IL1RAPL2: variants seen among roughly 807,000 people sequenced by gnomAD.
IL1RAPL2 encodes the protein X-linked interleukin-1 receptor accessory protein-like 2.
IL1RAPL2 carries 3 observed loss-of-function variants against 44.1 expected under a neutral mutation model. That is an observed-to-expected ratio of 0.07 (90% CI 0.03 to 0.18). IL1RAPL2 has a LOEUF of 0.18. Among genes scored for constraint, IL1RAPL2 ranks in the 10% least tolerant of loss-of-function variants. IL1RAPL2 has a pLI of 1.00. For synonymous variants in IL1RAPL2, 181 were observed against 178.8 expected (o/e 1.01, Z -0.10); for missense variants, 391 against 496.4 (o/e 0.79, Z 2.02).
chrX:105,282,772 A>G (rs2034541812), intron 5 of IL1RAPL2, among the ~76,000 whole-genome samples: 1 of 111,886 alleles, frequency 8.9e-6, no homozygotes, highest in Non-Finnish European at 1.9e-5. Context: ...TTTTGAAGCT[A>G]CTGGGTCAGT....
chrX:105,336,174 A>G (rs16984714), intron 5 of IL1RAPL2, among the ~76,000 whole-genome samples: 14,696 of 112,046 alleles, frequency 0.13, 2,337 homozygotes, highest in African/African-American at 0.45. Flanking sequence ...TCGGCTCAAA[A>G]GAAGATGATT....
At chrX:104,671,386 C>T (rs909889713) in intron 2 of IL1RAPL2, among the ~76,000 whole-genome samples, 1 of 111,757 alleles carries the variant, frequency 8.9e-6, no homozygotes, top group Non-Finnish European at 1.9e-5. Flanking sequence ...CTTTTCTTCA[C>T]ATGTGAATCA....
At chrX:105,472,507 A>T (rs926533482) in intron 5 of IL1RAPL2, among the ~76,000 whole-genome samples, 1 of 111,808 alleles carries the variant, frequency 8.9e-6, no homozygotes, top group Non-Finnish European at 1.9e-5. Context: ...ACTTAATGAG[A>T]TAATCATGGG....
chrX:105,511,833 G>GCTT (rs2036472096), intron 6 of IL1RAPL2, among the ~76,000 whole-genome samples: 1 of 111,552 alleles, frequency 9.0e-6, no homozygotes, highest in Non-Finnish European at 1.9e-5. Context: ...AATATCTAAT[G>GCTT]CTCAACTGAA....
chrX:104,633,340 A>T (rs950171578), intron 1 of IL1RAPL2, among the ~76,000 whole-genome samples: 5 of 111,421 alleles, frequency 4.5e-5, no homozygotes, highest in African/African-American at 1.6e-4. Flanking sequence ...TGGTATCAGG[A>T]TGATACTGGC....
intron 2 of IL1RAPL2, among the ~76,000 whole-genome samples, chrX:104,847,320 T>C (rs1922082188): frequency 1.8e-5 from 2 of 112,070 alleles, no homozygotes; most frequent in African/African-American, 3.2e-5. Flanking sequence ...GTTTTTATGG[T>C]TTTAGGTCTA....
chrX:105,277,400 C>T (rs993869517), intron 5 of IL1RAPL2, among the ~76,000 whole-genome samples: 2 of 111,901 alleles, frequency 1.8e-5, no homozygotes, highest in African/African-American at 6.5e-5. Flanking sequence ...GTTTCTTTGT[C>T]TTTCCTCCTA....
chrX:104,822,346 T>G (rs1349668316), intron 2 of IL1RAPL2, among the ~76,000 whole-genome samples: 4 of 112,162 alleles, frequency 3.6e-5, no homozygotes, highest in African/African-American at 1.3e-4. Flanking sequence ...TGAATGGTAT[T>G]GCCTAGGTTT....
intron 5 of IL1RAPL2, among the ~76,000 whole-genome samples, chrX:105,463,955 A>C (rs1163676425): frequency 8.9e-6 from 1 of 112,141 alleles, no homozygotes; most frequent in Non-Finnish European, 1.9e-5. Context: ...CTTTTGCCAA[A>C]ACTTGTTTAC....
chrX:104,970,883 A>AG (rs1358363337), intron 2 of IL1RAPL2, among the ~76,000 whole-genome samples: 1 of 111,865 alleles, frequency 8.9e-6, no homozygotes, highest in Non-Finnish European at 1.9e-5. Flanking sequence ...ATCTTATCTA[A>AG]GGGGCCCACA....
chrX:104,610,827 C>T (rs906067819), intron 1 of IL1RAPL2, among the ~76,000 whole-genome samples: 6 of 111,741 alleles, frequency 5.4e-5, no homozygotes, highest in Non-Finnish European at 1.1e-4. Flanking sequence ...CCAAGTCAAT[C>T]CTAAGCCAAA....
intron 5 of IL1RAPL2, among the ~76,000 whole-genome samples, chrX:105,440,848 G>A (rs917358687): frequency 6.3e-5 from 7 of 111,249 alleles, no homozygotes; most frequent in Admixed American, 9.6e-5. Flanking sequence ...CCCCCATACT[G>A]TTCTTGTGGT....
chrX:105,036,348 A>G (rs2031628408), intron 2 of IL1RAPL2, among the ~76,000 whole-genome samples: 1 of 111,692 alleles, frequency 9.0e-6, no homozygotes, highest in Non-Finnish European at 1.9e-5. Flanking sequence ...GTTAATAGCA[A>G]TGTAGAAACA....
chrX:104,716,593 C>T (rs1191954762), intron 2 of IL1RAPL2, among the ~76,000 whole-genome samples: 2 of 110,225 alleles, frequency 1.8e-5, no homozygotes, highest in Non-Finnish European at 3.8e-5. Context: ...CAAACAATCC[C>T]GTTAAAAAAT....
At chrX:105,678,278 C>T (rs982871002) in intron 6 of IL1RAPL2, among the ~76,000 whole-genome samples, 13 of 112,226 alleles carry the variant, frequency 1.2e-4, no homozygotes, top group African/African-American at 3.9e-4. Flanking sequence ...TACAGGCATG[C>T]AATGCCTAAT....
At chrX:105,057,475 C>A in intron 2 of IL1RAPL2, among the ~76,000 whole-genome samples, 1 of 111,989 alleles carries the variant, frequency 8.9e-6, no homozygotes, top group African/African-American at 3.2e-5. Context: ...TATACAGTTT[C>A]CCAGCTGATC....
chrX:104,692,974 G>A (rs1220018636), intron 2 of IL1RAPL2, among the ~76,000 whole-genome samples: 1 of 111,319 alleles, frequency 9.0e-6, no homozygotes, highest in African/African-American at 3.3e-5. Context: ...GTGTAAAAGT[G>A]TTCCTATTTC....
At chrX:105,598,321 A>G (rs2037226880) in intron 6 of IL1RAPL2, among the ~76,000 whole-genome samples, 1 of 110,611 alleles carries the variant, frequency 9.0e-6, no homozygotes, top group South Asian at 3.9e-4. Flanking sequence ...GGGAAATGGG[A>G]AGATGTAGGT....
Position 105,169,129 on chromosome X carries a change from A to G in IL1RAPL2, c.83-26346A>G, listed in dbSNP as rs1043479467. On this transcript the variant is annotated intron_variant, in intron 2 of 10. Transcript: ENST00000372582. Reference sequence around the variant, plus strand: ...TCTTCTATCCTTTTAACTATACCATATAACCTTCATGCCACTTTTTGTCGA... The same window carrying G: ...TCTTCTATCCTTTTAACTATACCATGTAACCTTCATGCCACTTTTTGTCGA... Among the ~76,000 whole-genome samples the G allele has an allele frequency of 2.7e-5, 3 of 112,128 alleles. No individual in the cohort carries two copies. In the East Asian group the frequency reaches 8.5e-4, roughly 32 times the overall value.
Sources: allele counts gnomAD v4.1 joint callset (sites outside exome capture counted in the v4.1 genomes callset), GRCh38; gene constraint gnomAD v4.1.1; transcripts MANE v1.5; gene names NCBI Gene and HGNC (gene_info 2026-07-23, HGNC 2026-07-21).